Variants in GRIK4 observed in about 807,000 individuals in gnomAD.
GRIK4 encodes the protein glutamate ionotropic receptor kainate type subunit 4, also known as glutamate receptor ionotropic, kainate 4.
A neutral mutation model predicts 104.9 loss-of-function variants in GRIK4; 40 were observed. The observed-to-expected ratio is 0.38, with a 90% CI of 0.30 to 0.50. GRIK4 has a LOEUF of 0.50. Ranked by LOEUF, GRIK4 falls within the 20% of genes least tolerant of loss-of-function variation. The pLI, the probability that GRIK4 is intolerant of heterozygous loss-of-function variation, is 0.93. For synonymous variants in GRIK4, 485 were observed against 524.9 expected (o/e 0.92, Z 1.04); for missense variants, 1,047 against 1,308.1 (o/e 0.80, Z 3.08).
intron 2 of GRIK4, among the ~76,000 whole-genome samples, chr11:120,656,069 T>C (rs1183459980): frequency 3.3e-5 from 5 of 152,240 alleles, no homozygotes; most frequent in Non-Finnish European, 5.9e-5. Context: ...CCTGGTGCTC[T>C]AACTTCAGGA....
chr11:120,986,272 A>T lies in GRIK4; in HGVS notation c.*12A>T. The T allele has an allele frequency of 6.6e-7, 1 of 1,507,052 alleles. No individual in the cohort carries two copies. The highest frequency in any genetic ancestry group is 1.2e-5 in the South Asian group (1 of 84,792). The allele number at this position is 1,507,052 out of a possible 1,614,324, so 93.4% of individuals were successfully genotyped here. A position where few individuals can be genotyped will look rare whatever the true frequency, so the allele number is the denominator to read the frequency against. On this transcript the variant is annotated 3_prime_UTR_variant, in exon 21 of 21. Transcript: ENST00000527524. Reference sequence around the variant, plus strand: ...GCGAGCCCGAGTAGTCCCGGAGGCCACAGGACGCGCAGAGGCCGGGCGGGG... The same window carrying T: ...GCGAGCCCGAGTAGTCCCGGAGGCCTCAGGACGCGCAGAGGCCGGGCGGGG...
chr11:120,722,321 A>G (rs1950946630), intron 3 of GRIK4, among the ~76,000 whole-genome samples: 1 of 152,212 alleles, frequency 6.6e-6, no homozygotes, highest in African/African-American at 2.4e-5. Context: ...TTAATTGAGG[A>G]TCAGAAAGAT....
rs1252128652 is a variant in GRIK4 at position 120,988,399 on chromosome 11, C to T, written c.*2139C>T. On this transcript the variant is annotated 3_prime_UTR_variant, in exon 21 of 21. Transcript: ENST00000527524. ...GACAACGTGGTTCCTACTGTCAGAT[C>T]ACATTTGGGGCGGGAAGGGTGGTTT... The T allele has an allele frequency of 6.6e-6, 1 of 152,084 alleles. No individual in the cohort carries two copies. Among genetic ancestry groups the T allele is most frequent in the Non-Finnish European group, 1.5e-5 (1 of 68,036 alleles). 9.4% of individuals were successfully genotyped at this position (152,084 alleles called of 1,614,324 possible).
At chr11:120,721,132 A>G (rs7948878) in intron 3 of GRIK4, among the ~76,000 whole-genome samples, 7,636 of 152,228 alleles carry the variant, frequency 0.05, 618 homozygotes, top group African/African-American at 0.17. Flanking sequence ...AAAATGGGCA[A>G]TTACAACATC....
chr11:120,978,570 G>A (rs1944600399), intron 19 of GRIK4, among the ~76,000 whole-genome samples: 2 of 152,192 alleles, frequency 1.3e-5, no homozygotes, highest in Admixed American at 1.3e-4. Flanking sequence ...ACTGTGTAGT[G>A]TGCAGAGTTG....
intron 1 of GRIK4, among the ~76,000 whole-genome samples, chr11:120,579,399 TG>T (rs1274165078): frequency 2.0e-5 from 3 of 151,750 alleles, no homozygotes; most frequent in Non-Finnish European, 4.4e-5. Context: ...GGTAGCAAGG[TG>T]GGGACAGGGT....
At chr11:120,814,082 G>A (rs541408102) in intron 4 of GRIK4, among the ~76,000 whole-genome samples, 3 of 152,230 alleles carry the variant, frequency 2.0e-5, no homozygotes, top group African/African-American at 7.2e-5. Context: ...CATTCACACA[G>A]CAAATCTGAG....
At chr11:120,740,885 G>A (rs143099593) in intron 3 of GRIK4, among the ~76,000 whole-genome samples, 1 of 152,260 alleles carries the variant, frequency 6.6e-6, no homozygotes, top group Non-Finnish European at 1.5e-5. Context: ...CCATAGAGAC[G>A]AGGCATGTTT....
In GRIK4 at chr11:120,815,417, G is replaced by A. The variant is rs1229041136; in HGVS notation, c.287G>A (p.Gly96Glu). Residue 96 changes from glycine to glutamate, a missense_variant, in exon 5 of 21, where the codon GGA becomes GAA. Around this residue, in one of 3 missense-constraint regions of GRIK4, gnomAD observed 447 missense variants for 514.9 expected, o/e 0.87. Coordinates refer to ENST00000527524, the MANE Select transcript of GRIK4 (RefSeq NM_014619.5). ...CCCAAGGGGGTGGTCGCTGTCCTCG[G>A]ACCATCGTCCAGCCCAGCCTCCAGC... ...ILPKGVVAVL[G>E]PSSSPASSSI... 1.3e-6 allele frequency: 2 copies of A among 1,552,782 alleles called. No individual in the cohort carries two copies. Among genetic ancestry groups the A allele is most frequent in the African/African-American group, 2.7e-5 (2 of 73,240 alleles).
intron 1 of GRIK4, among the ~76,000 whole-genome samples, chr11:120,641,821 G>A (rs187595744): frequency 1.1e-3 from 166 of 152,256 alleles, no homozygotes; most frequent in Non-Finnish European, 2.1e-3. Flanking sequence ...CTAACTTCCT[G>A]GGAATGCAGC....
intron 14 of GRIK4, among the ~76,000 whole-genome samples, chr11:120,948,572 C>T (rs561844885): frequency 6.6e-6 from 1 of 152,260 alleles, no homozygotes; most frequent in South Asian, 2.1e-4. Flanking sequence ...TCTGGAGAGC[C>T]CTGGAGGAAC....
chr11:120,616,576 G>C (rs1451960955), intron 1 of GRIK4, among the ~76,000 whole-genome samples: 1 of 152,200 alleles, frequency 6.6e-6, no homozygotes, highest in Non-Finnish European at 1.5e-5. Flanking sequence ...CATGGCCAAA[G>C]TGCTTTGGCC....
chr11:120,901,315 GC>G (rs1942731572), intron 12 of GRIK4, among the ~76,000 whole-genome samples: 2 of 10,414 alleles, frequency 1.9e-4, no homozygotes, highest in African/African-American at 3.0e-3. Flanking sequence ...CCTGCTCGCT[GC>G]ATCCTGCCGC....
At position 120,549,200 on chromosome 11, in the gene GRIK4, G is replaced by A. The variant is rs916483882; in HGVS notation, c.-159+37313G>A. Among the ~76,000 whole-genome samples, 5 of 152,050 alleles carry A rather than the reference G, an allele frequency of 3.3e-5. No individual in the cohort carries two copies. The highest frequency in any genetic ancestry group is 7.2e-5 in the African/African-American group (3 of 41,396). On this transcript the variant is annotated intron_variant, in intron 1 of 20. Transcript: ENST00000527524. This position sits in a 1 kb window ranked among gnomAD's most constrained non-coding sequence, Gnocchi z 4.7. Reference sequence around the variant, plus strand: ...TGCAACCTCTGCTTCCTGGGTTCAAGCAATTCTACTGCCTCAGCCTCCCAA... The same window carrying A: ...TGCAACCTCTGCTTCCTGGGTTCAAACAATTCTACTGCCTCAGCCTCCCAA...
rs1177066466 is a variant in GRIK4, at chr11:120,819,344, TGC to T, written c.346-410_346-409del. 6.6e-6 allele frequency among the ~76,000 whole-genome samples: 1 copy of T among 152,212 alleles called. No homozygotes were observed. The highest frequency in any genetic ancestry group is 2.4e-5 in the African/African-American group (1 of 41,450). ...CCCAGGGTAGCGATTTTTCTCTTTC[TGC>T]CGTCTCTGCTCTGATGTATTAACTA... On this transcript the variant is annotated intron_variant, in intron 5 of 20. Transcript: ENST00000527524. The surrounding 1 kb of genome is among the most constrained non-coding windows in gnomAD (Gnocchi z 4.3).
rs907203151 is a variant in GRIK4, at chr11:120,819,407, C to A, written c.346-348C>A. 6.6e-6 allele frequency among the ~76,000 whole-genome samples: 1 copy of A among 152,340 alleles called. No individual in the cohort carries two copies. Among genetic ancestry groups the A allele is most frequent in the African/African-American group, 2.4e-5 (1 of 41,580 alleles). On this transcript the variant is annotated intron_variant, in intron 5 of 20. Transcript: ENST00000527524. This position sits in a 1 kb window ranked among gnomAD's most constrained non-coding sequence, Gnocchi z 4.3. Reference sequence around the variant, plus strand: ...ATTCTAAGGATTATGCTTTCAAGAGCCAACTGTCTCTCTGCCAGCAGCAGG... The same window carrying A: ...ATTCTAAGGATTATGCTTTCAAGAGACAACTGTCTCTCTGCCAGCAGCAGG...
chr11:120,756,676 A>G (rs545267360), intron 3 of GRIK4, among the ~76,000 whole-genome samples: 2 of 152,278 alleles, frequency 1.3e-5, no homozygotes, highest in Non-Finnish European at 2.9e-5. Context: ...TGGATCTTCC[A>G]TATTTTCCAT....
chr11:120,664,703 G>A (rs914583568), intron 3 of GRIK4, among the ~76,000 whole-genome samples: 17 of 152,214 alleles, frequency 1.1e-4, no homozygotes, highest in African/African-American at 7.2e-5. Context: ...TGCTGGTAAG[G>A]AGTTGAAAGA....
intron 3 of GRIK4, among the ~76,000 whole-genome samples, chr11:120,782,687 G>A (rs953372834): frequency 2.0e-5 from 3 of 152,154 alleles, no homozygotes; most frequent in Non-Finnish European, 4.4e-5. Context: ...GATTCCTCCC[G>A]TGGCTATGTG....
Sources: gnomAD v4.1 joint callset for allele counts (sites outside exome capture counted in the v4.1 genomes callset) on GRCh38, gnomAD v4.1.1 for gene constraint, gnomAD v4.1.1 regional missense constraint, Gnocchi (gnomAD v3.1) non-coding constraint, MANE v1.5 for transcripts, NCBI Gene and HGNC (gene_info 2026-07-23, HGNC 2026-07-21) for gene names.